DNM3: variants seen among roughly 807,000 people sequenced by gnomAD.
DNM3 encodes the protein dynamin 3.
In DNM3, 47 loss-of-function variants were observed where a neutral mutation model predicts 101.6. That is an observed-to-expected ratio of 0.46 (90% CI 0.37 to 0.59). The LOEUF is 0.59. Ranked by LOEUF, DNM3 falls within the 20% of genes least tolerant of loss-of-function variation. The probability of loss-of-function intolerance (pLI) is 0.00; values close to 1 mark genes in which losing one functional copy is unlikely to be tolerated. For synonymous variants in DNM3, 385 were observed against 387.9 expected (o/e 0.99, Z 0.09); for missense variants, 849 against 1,085.7 (o/e 0.78, Z 3.06).
intron 15 of DNM3, among the ~76,000 whole-genome samples, chr1:172,275,713 G>A (rs1013823849): frequency 6.6e-6 from 1 of 152,052 alleles, no homozygotes; most frequent in Admixed American, 6.6e-5. Context: ...ACACTGTCAG[G>A]TGCTGCTACT....
intron 10 of DNM3, among the ~76,000 whole-genome samples, chr1:172,062,959 G>A (rs1260782586): frequency 6.6e-6 from 1 of 152,148 alleles, no homozygotes; most frequent in Non-Finnish European, 1.5e-5. Context: ...GGATTTTGTT[G>A]GGTTGGGTGG....
chr1:171,939,129 A>G (rs1231832791), intron 2 of DNM3, among the ~76,000 whole-genome samples: 1 of 152,058 alleles, frequency 6.6e-6, no homozygotes, highest in Non-Finnish European at 1.5e-5. Context: ...CAAAATTTCT[A>G]GTAGTCAATT....
downstream of DNM3, among the ~76,000 whole-genome samples, chr1:172,414,956 T>C (rs544260804): frequency 4.1e-4 from 62 of 151,508 alleles, no homozygotes; most frequent in African/African-American, 1.5e-3. Context: ...TGGTGGCTCA[T>C]GCCTGTAGTT....
chr1:172,176,954 G>T (rs2059173569), intron 14 of DNM3, among the ~76,000 whole-genome samples: 1 of 151,772 alleles, frequency 6.6e-6, no homozygotes. Context: ...TGTAACGAAA[G>T]CCTGCTCTAG....
chr1:172,057,174 C>T (rs547622853), intron 10 of DNM3, among the ~76,000 whole-genome samples: 3 of 152,096 alleles, frequency 2.0e-5, no homozygotes, highest in Admixed American at 1.3e-4. Context: ...AGCAAAGCCT[C>T]CAAGAAATAT....
intron 14 of DNM3, among the ~76,000 whole-genome samples, chr1:172,212,288 G>T (rs907091984): frequency 6.6e-6 from 1 of 152,066 alleles, no homozygotes; most frequent in Non-Finnish European, 1.5e-5. Context: ...TCAGTCCCTG[G>T]TATCAATCAC....
intron 16 of DNM3, among the ~76,000 whole-genome samples, chr1:172,316,613 A>C (rs998255811): frequency 2.0e-5 from 3 of 152,134 alleles, no homozygotes; most frequent in Non-Finnish European, 2.9e-5. Flanking sequence ...AACAGACTTT[A>C]AACCAACAAA....
intron 7 of DNM3, among the ~76,000 whole-genome samples, chr1:172,038,939 T>TC (rs929110068): frequency 9.9e-5 from 15 of 151,844 alleles, no homozygotes; most frequent in African/African-American, 3.6e-4. Flanking sequence ...GGCTGTAGTT[T>TC]TTTTTTTTCC....
At chr1:171,892,888 C>T (rs2037421276) in intron 1 of DNM3, among the ~76,000 whole-genome samples, 1 of 149,898 alleles carries the variant, frequency 6.7e-6, no homozygotes, top group Admixed American at 6.6e-5. Flanking sequence ...AATCTATTGC[C>T]ACCACTGATC....
At chr1:172,204,191 T>C (rs2060250277) in intron 14 of DNM3, among the ~76,000 whole-genome samples, 1 of 152,172 alleles carries the variant, frequency 6.6e-6, no homozygotes, top group Non-Finnish European at 1.5e-5. Context: ...TGAATTTATT[T>C]TGAAACTTAA....
At chr1:172,055,244 A>C (rs4333881) in intron 10 of DNM3, among the ~76,000 whole-genome samples, 51,496 of 151,776 alleles carry the variant, frequency 0.34, 9,481 homozygotes, top group East Asian at 0.69. Flanking sequence ...AGGCCAAGGA[A>C]ACATGTCTGT....
intron 13 of DNM3, among the ~76,000 whole-genome samples, chr1:172,114,767 G>A (rs1053484868): frequency 6.6e-6 from 1 of 152,132 alleles, no homozygotes; most frequent in African/African-American, 2.4e-5. Flanking sequence ...TGCTCTAGAG[G>A]GATGGAGCTG....
At chr1:172,337,847 T>TTTATTTTATA in intron 17 of DNM3, among the ~76,000 whole-genome samples, 1 of 147,016 alleles carries the variant, frequency 6.8e-6, no homozygotes, top group Non-Finnish European at 1.5e-5. Context: ...TTCATTTTAT[T>TTTATTTTATA]TTATTTTATT....
chr1:172,131,810 T>C (rs931123601), intron 14 of DNM3: 7 of 403,814 alleles, frequency 1.7e-5, no homozygotes, highest in African/African-American at 1.5e-4. Context: ...TCTTTGAGAA[T>C]TTGATATCTA....
At chr1:172,349,898 G>A (rs975631650) in intron 17 of DNM3, among the ~76,000 whole-genome samples, 12 of 152,084 alleles carry the variant, frequency 7.9e-5, no homozygotes, top group African/African-American at 2.7e-4. Context: ...TTACTATAAT[G>A]CAAGAGGTTA....
chr1:172,376,903 CT>C lies in DNM3; in HGVS notation c.1894-2111del, dbSNP rs530661510. On this transcript the variant is annotated intron_variant, in intron 17 of 20. Coordinates refer to ENST00000627582, the MANE Select transcript of DNM3 (RefSeq NM_015569.5). ...GGTTTCAAAAAGTGAAAGTCAGTGTCTTTTGCTTATTTTGATATGCAAAAAA... is the reference window on the plus strand; with the variant it reads ...GGTTTCAAAAAGTGAAAGTCAGTGTCTTTGCTTATTTTGATATGCAAAAAA... 2.0e-5 allele frequency among the ~76,000 whole-genome samples: 3 copies of C among 152,054 alleles called. No homozygotes were observed. The South Asian group carries it at 6.2e-4, about 32-fold the overall frequency.
intron 2 of DNM3, among the ~76,000 whole-genome samples, chr1:171,948,396 CTATT>C (rs2042297233): frequency 6.6e-6 from 1 of 152,032 alleles, no homozygotes; most frequent in South Asian, 2.1e-4. Context: ...GTTAAGAATT[CTATT>C]TATTTGAGTG....
chr1:171,923,599 TTATTC>T (rs1215712666), intron 2 of DNM3, among the ~76,000 whole-genome samples: 1 of 152,184 alleles, frequency 6.6e-6, no homozygotes, highest in Non-Finnish European at 1.5e-5. Context: ...TTATAAAACT[TTATTC>T]TATGTTTTCT....
At chr1:172,181,975 T>G (rs1437307793) in intron 14 of DNM3, among the ~76,000 whole-genome samples, 2 of 152,122 alleles carry the variant, frequency 1.3e-5, no homozygotes, top group Admixed American at 1.3e-4. Flanking sequence ...TGTCTGTTTT[T>G]GGTGGGTGTT....
Sources: gnomAD v4.1 joint callset for allele counts (sites outside exome capture counted in the v4.1 genomes callset) on GRCh38, gnomAD v4.1.1 for gene constraint, MANE v1.5 for transcripts, NCBI Gene and HGNC (gene_info 2026-07-23, HGNC 2026-07-21) for gene names.